Variants in LARS1 observed in about 807,000 individuals in gnomAD.
LARS1 encodes leucyl-tRNA synthetase 1, also known as leucine--tRNA ligase, cytoplasmic.
In LARS1, 100 loss-of-function variants were observed where a neutral mutation model predicts 162.8. That is an observed-to-expected ratio of 0.61 (90% CI 0.52 to 0.73). LARS1 has a LOEUF of 0.73. Among genes scored for constraint, LARS1 ranks in the 30% least tolerant of loss-of-function variants. The pLI, the probability that LARS1 is intolerant of heterozygous loss-of-function variation, is 0.00. For synonymous variants in LARS1, 457 were observed against 462.8 expected (o/e 0.99, Z 0.16); for missense variants, 1,258 against 1,408.9 (o/e 0.89, Z 1.71).
chr5:146,114,456 G>C lies in LARS1; in HGVS notation c.3326-145C>G, dbSNP rs745311350. 14 of 692,476 alleles carry C rather than the reference G, an allele frequency of 2.0e-5. No homozygotes were observed. The South Asian group carries it at 2.6e-4, about 13-fold the overall frequency. The allele number at this position is 692,476 out of a possible 1,614,324, so 42.9% of individuals were successfully genotyped here. ...CAGATTATTAAATAAAAGCCACGCT[G>C]GGTGCGGTGGCTCACACCTGTAATC... On this transcript the variant is annotated intron_variant, in intron 31 of 31. Transcript: ENST00000394434.
intron 31 of LARS1, among the ~76,000 whole-genome samples, chr5:146,116,661 T>A (rs891585831): frequency 2.0e-5 from 3 of 152,214 alleles, no homozygotes; most frequent in African/African-American, 7.2e-5. Context: ...TCTAAGTCCC[T>A]AGGGACTGAT....
intron 8 of LARS1, 117 bp downstream of exon 8, chr5:146,159,290 G>C (rs1174984748): frequency 1.5e-6 from 1 of 685,970 alleles, no homozygotes; most frequent in Non-Finnish European, 2.5e-6. Context: ...ATCCACCAGA[G>C]TATCAGGACT....
chr5:146,164,283 T>G, intron 6 of LARS1, 27 bp downstream of exon 6: 1 of 1,596,018 alleles, frequency 6.3e-7, no homozygotes, highest in Non-Finnish European at 8.6e-7. Flanking sequence ...TGTAAATGCT[T>G]TCCTCATATT....
At chr5:146,123,545 T>C (rs1010860794) in intron 29 of LARS1, among the ~76,000 whole-genome samples, 1 of 151,782 alleles carries the variant, frequency 6.6e-6, no homozygotes, top group Admixed American at 6.6e-5. Flanking sequence ...TGAACCATAA[T>C]ATATCATGAA....
At chr5:146,158,895 GAC>G (rs1450294837) in intron 8 of LARS1, among the ~76,000 whole-genome samples, 1 of 152,090 alleles carries the variant, frequency 6.6e-6, no homozygotes, top group African/African-American at 2.4e-5. Flanking sequence ...AGGAGATCGA[GAC>G]CATCCTGGCT....
intron 2 of LARS1, among the ~76,000 whole-genome samples, chr5:146,175,275 G>A (rs914427409): frequency 2.6e-5 from 4 of 152,002 alleles, no homozygotes; most frequent in Middle Eastern, 3.4e-3. Flanking sequence ...GGCGGGCACA[G>A]TGGCTCACGC....
intron 4 of LARS1, among the ~76,000 whole-genome samples, chr5:146,169,030 A>G (rs948490879): frequency 3.9e-5 from 6 of 152,078 alleles, no homozygotes; most frequent in Admixed American, 3.9e-4. Context: ...AAAGCTGCAC[A>G]TTGTGCACAT....
intron 3 of LARS1, 26 bp from the exon 4 acceptor site, chr5:146,172,016 T>C (rs1354258726): frequency 3.8e-6 from 6 of 1,573,834 alleles, no homozygotes; most frequent in Middle Eastern, 1.7e-4. Flanking sequence ...TAAATTTAAA[T>C]TGCAAATTTA....
At chr5:146,166,724 A>G (rs769683587) in intron 5 of LARS1, among the ~76,000 whole-genome samples, 4 of 152,186 alleles carry the variant, frequency 2.6e-5, no homozygotes, top group Non-Finnish European at 5.9e-5. Flanking sequence ...TGATTAGAAG[A>G]CTAGAGTAAT....
intron 14 of LARS1, 151 bp downstream of exon 14, chr5:146,151,711 T>C (rs951269737): frequency 4.0e-6 from 3 of 756,484 alleles, no homozygotes; most frequent in Admixed American, 2.9e-5. Context: ...AAACAAAAAT[T>C]AGAAATTTGG....
At position 146,144,653 on chromosome 5, in the gene LARS1, A is replaced by G; in HGVS notation, c.1560T>C (p.Asp520=). Reference sequence around the variant, plus strand: ...GGTCACACAGAGCCACAACACATTCATCTGACGACCTGGACATCACTTGTT... The same window carrying G: ...GGTCACACAGAGCCACAACACATTCGTCTGACGACCTGGACATCACTTGTT... ...PEKQVMSRSS[D]ECVVALCDQW... Residue 520 remains aspartate (D), a synonymous_variant, in exon 16 of 32, where the codon GAT becomes GAC. Coordinates refer to ENST00000394434, the MANE Select transcript of LARS1 (RefSeq NM_020117.11). 1 of 1,614,116 alleles carries G rather than the reference A, an allele frequency of 6.2e-7. No homozygotes were observed. Among genetic ancestry groups the G allele is most frequent in the Non-Finnish European group, 8.5e-7 (1 of 1,180,032 alleles).
intron 21 of LARS1, among the ~76,000 whole-genome samples, chr5:146,137,263 G>A (rs1752555308): frequency 6.6e-6 from 1 of 152,142 alleles, no homozygotes; most frequent in African/African-American, 2.4e-5. Flanking sequence ...TTGCTATTCT[G>A]TTGGTTACAG....
At position 146,143,518 on chromosome 5, in the gene LARS1, T is replaced by C. The variant is rs750972811; in HGVS notation, c.1771A>G (p.Ile591Val). The C allele has an allele frequency of 6.2e-7, 1 of 1,613,868 alleles. No individual in the cohort carries two copies. The highest frequency in any genetic ancestry group is 1.3e-5 in the African/African-American group (1 of 74,900). The stretch of plus-strand genomic sequence containing the variant: ...ATAGTGGAGTCAGAAAGTGATTCAA[T>C]CAGCCACTGCTCATCCCAAGGCAGG... The part of the protein sequence containing the change: ...THLPWDEQWL[I>V]ESLSDSTIYM... The change falls in exon 19 of 32, where the codon ATT becomes GTT. Residue 591 changes from isoleucine to valine, a missense_variant. Coordinates refer to ENST00000394434, the MANE Select transcript of LARS1 (RefSeq NM_020117.11).
intron 2 of LARS1, among the ~76,000 whole-genome samples, chr5:146,175,574 TCA>T (rs1437667547): frequency 7.0e-6 from 1 of 142,634 alleles, no homozygotes; most frequent in Non-Finnish European, 1.5e-5. Context: ...GCGCAGTGGC[TCA>T]CGCCTGTAAT....
At position 146,124,089 on chromosome 5, in the gene LARS1, A is replaced by C. The variant is rs1254481838; in HGVS notation, c.2992-3T>G. On this transcript the variant is annotated splice_region_variant and splice_polypyrimidine_tract_variant and intron_variant, in intron 28 of 31. Coordinates refer to ENST00000394434, the MANE Select transcript of LARS1 (RefSeq NM_020117.11). ...GGCCCCATCTTCTCCAGATTTTCCT[A>C]ATAGCCAAAATGGTATGGAAAAACA... 1.1e-5 allele frequency: 17 copies of C among 1,579,996 alleles called. No individual in the cohort carries two copies. Among genetic ancestry groups the C allele is most frequent in the Non-Finnish European group, 1.4e-5 (16 of 1,152,480 alleles).
At chr5:146,141,650 A>G (rs558115521) in intron 20 of LARS1, among the ~76,000 whole-genome samples, 1 of 151,574 alleles carries the variant, frequency 6.6e-6, no homozygotes, top group Non-Finnish European at 1.5e-5. Flanking sequence ...CAAAAAATAA[A>G]CAAAATTAGC....
intron 6 of LARS1, among the ~76,000 whole-genome samples, chr5:146,163,514 C>T (rs1164914941): frequency 1.3e-5 from 2 of 151,974 alleles, no homozygotes; most frequent in Non-Finnish European, 1.5e-5. Flanking sequence ...AGTGAAACCT[C>T]GTCTCTACTA....
Position 146,120,450 on chromosome 5 carries a change from T to G in LARS1, c.3246A>C (p.Ser1082=). Residue 1082 remains serine (S), a synonymous_variant, in exon 31 of 32, where the codon TCA becomes TCC. Coordinates refer to ENST00000394434, the MANE Select transcript of LARS1 (RefSeq NM_020117.11). ...CTCCTTGCCTGATTTCAATTTTGGT[T>G]GAGAAGTGGCCATTGGATGGCTGGG... ...VNPQPSNGHF[S]TKIEIRQGDN... 1 of 1,613,344 alleles carries G rather than the reference T, an allele frequency of 6.2e-7. No individual in the cohort carries two copies. Among genetic ancestry groups the G allele is most frequent in the Non-Finnish European group, 8.5e-7 (1 of 1,179,452 alleles).
At chr5:146,146,195 C>G (rs146907865) in intron 15 of LARS1, among the ~76,000 whole-genome samples, 2,055 of 152,102 alleles carry the variant, frequency 0.014, 48 homozygotes, top group African/African-American at 0.048. Context: ...ACAAAATTAG[C>G]TGGGCATGGT....
Sources: gnomAD v4.1 joint callset for allele counts (sites outside exome capture counted in the v4.1 genomes callset) on GRCh38, gnomAD v4.1.1 for gene constraint, MANE v1.5 for transcripts, NCBI Gene and HGNC (gene_info 2026-07-23, HGNC 2026-07-21) for gene names.